Variants in SOX5 observed in about 807,000 individuals in gnomAD.
The protein encoded by SOX5 is SRY-box transcription factor 5.
A neutral mutation model predicts 92.0 loss-of-function variants in SOX5; 9 were observed. The ratio of observed to expected loss-of-function variants is 0.10; its 90% CI spans 0.06 to 0.17. The LOEUF (loss-of-function observed/expected upper bound fraction) is 0.17, where lower values mean the gene tolerates loss of function less well. Ranked by LOEUF, SOX5 falls within the 10% of genes least tolerant of loss-of-function variation. The pLI is 1.00. For missense variants in SOX5, 642 were observed against 944.5 expected (o/e 0.68, Z 4.20); for synonymous variants, 344 against 336.3 (o/e 1.02, Z -0.25).
At chr12:23,763,326 C>A (rs939227960) in intron 3 of SOX5, among the ~76,000 whole-genome samples, 5 of 152,150 alleles carry the variant, frequency 3.3e-5, no homozygotes, top group African/African-American at 1.2e-4. Flanking sequence ...ATTACAACTA[C>A]AACTTACTAT....
chr12:24,462,026 G>A (rs1159980896), intron 1 of SOX5, among the ~76,000 whole-genome samples: 18 of 152,162 alleles, frequency 1.2e-4, no homozygotes, highest in Non-Finnish European at 2.6e-4. Context: ...GATTATCTGA[G>A]GATGCAGTGA....
chr12:23,792,328 T>C (rs1194664075), intron 3 of SOX5, among the ~76,000 whole-genome samples: 4 of 151,632 alleles, frequency 2.6e-5, no homozygotes, highest in African/African-American at 9.7e-5. Flanking sequence ...ACTAAGGCGA[T>C]AAAAATCTCG....
intron 4 of SOX5, among the ~76,000 whole-genome samples, chr12:24,209,730 T>C (rs1036829814): frequency 5.3e-5 from 8 of 152,218 alleles, no homozygotes; most frequent in African/African-American, 1.7e-4. Flanking sequence ...TTAGAAATAA[T>C]CCTTCCGGCC....
At chr12:24,389,515 CACCTAGGTATTA>C (rs1324525627) in intron 1 of SOX5, among the ~76,000 whole-genome samples, 23 of 152,216 alleles carry the variant, frequency 1.5e-4, no homozygotes, top group African/African-American at 2.4e-5. Context: ...ATCAACCCAT[CACCTAGGTATTA>C]ACCCAGCATC....
At chr12:24,174,142 T>C (rs1954532616) in intron 4 of SOX5, among the ~76,000 whole-genome samples, 1 of 152,016 alleles carries the variant, frequency 6.6e-6, no homozygotes, top group African/African-American at 2.4e-5. Flanking sequence ...GGATTACTAG[T>C]GTGCCCCACC....
chr12:24,045,750 G>A (rs1271510214), intron 4 of SOX5, among the ~76,000 whole-genome samples: 1 of 152,212 alleles, frequency 6.6e-6, no homozygotes. Context: ...AGCTACACAG[G>A]TGTGTTTCTT....
At chr12:24,306,245 G>T (rs1201496111) in intron 2 of SOX5, among the ~76,000 whole-genome samples, 1 of 152,158 alleles carries the variant, frequency 6.6e-6, no homozygotes, top group Non-Finnish European at 1.5e-5. Context: ...GTTGGGTGAT[G>T]CCTGCACCGC....
chr12:24,283,818 T>C (rs746520192), intron 2 of SOX5, among the ~76,000 whole-genome samples: 5 of 152,218 alleles, frequency 3.3e-5, no homozygotes, highest in Non-Finnish European at 5.9e-5. Context: ...AAGCCATTAA[T>C]TTATAACAGG....
chr12:24,269,688 C>CTTTTTTTTTT (rs58098308), intron 3 of SOX5, among the ~76,000 whole-genome samples: 1 of 116,760 alleles, frequency 8.6e-6, no homozygotes, highest in Non-Finnish European at 1.7e-5. Context: ...TATTTTTATT[C>CTTTTTTTTTT]TTTTTTTTTT....
At chr12:23,807,749 C>T (rs542293640) in intron 3 of SOX5, among the ~76,000 whole-genome samples, 7 of 150,694 alleles carry the variant, frequency 4.6e-5, no homozygotes, top group Non-Finnish European at 8.8e-5. Context: ...CAAGTGAATT[C>T]TCCTGCCTCA....
At chr12:23,949,402 C>A (rs1044978815) in intron 1 of SOX5, among the ~76,000 whole-genome samples, 162 bp downstream of exon 1, 1 of 151,994 alleles carries the variant, frequency 6.6e-6, no homozygotes, top group South Asian at 2.1e-4. Flanking sequence ...CAGTTTGGTC[C>A]GGGCAATCAC....
rs141999863 is a variant in SOX5 at position 24,044,113 on chromosome 12, GAAT to G, written c.-1-148092_-1-148090del. ...ATTTGCCTTGGGGCATCCACAATTT[GAAT>G]AATACTACACAACATAAAGGTGTCT... On this transcript the variant is annotated intron_variant, in intron 4 of 4. Transcript: ENST00000446891. 5.9e-3 allele frequency among the ~76,000 whole-genome samples: 899 copies of G among 152,258 alleles called. 10 individuals carry two copies. The highest frequency in any genetic ancestry group is 0.031 in the South Asian group (149 of 4,826).
In SOX5 at chr12:24,460,058, T is replaced by G. The variant is rs372197794; in HGVS notation, c.-250-91419A>C. On this transcript the variant is annotated intron_variant, in intron 1 of 4. Transcript: ENST00000446891. ...GTCTGCATCAATGTAGTGAAGGAGT[T>G]TCTCATCTCCAAAGCCTATCTGTAT... is the stretch of plus-strand genomic sequence containing the variant. 2.6e-5 allele frequency among the ~76,000 whole-genome samples: 4 copies of G among 152,290 alleles called. No homozygotes were observed. The East Asian group carries it at 7.7e-4, about 29-fold the overall frequency.
intron 4 of SOX5, among the ~76,000 whole-genome samples, chr12:24,072,941 T>A (rs1941998055): frequency 6.6e-6 from 1 of 152,344 alleles, no homozygotes; most frequent in South Asian, 2.1e-4. Flanking sequence ...GAATGCTGAA[T>A]GTATCTACAT....
intron 3 of SOX5, among the ~76,000 whole-genome samples, chr12:24,262,291 C>T (rs1483944772): frequency 6.6e-6 from 1 of 152,294 alleles, no homozygotes; most frequent in East Asian, 1.9e-4. Context: ...AAACATAGGT[C>T]TTAGAAACCA....
chr12:23,788,219 G>A (rs1376436160), intron 3 of SOX5, among the ~76,000 whole-genome samples: 3 of 151,914 alleles, frequency 2.0e-5, no homozygotes, highest in Non-Finnish European at 2.9e-5. Context: ...GAAATAAAAT[G>A]AGTAGAAGGA....
At chr12:24,229,392 G>A (rs925094564) in intron 3 of SOX5, among the ~76,000 whole-genome samples, 1 of 151,020 alleles carries the variant, frequency 6.6e-6, no homozygotes, top group Non-Finnish European at 1.5e-5. Context: ...TGCTCATAGG[G>A]CTGGGGAAAC....
chr12:23,777,861 A>G (rs948297317), intron 3 of SOX5, among the ~76,000 whole-genome samples: 4 of 152,234 alleles, frequency 2.6e-5, no homozygotes, highest in Non-Finnish European at 4.4e-5. Flanking sequence ...CACATGATAC[A>G]TAAGAGATGA....
At chr12:24,204,077 C>T (rs1957789692) in intron 4 of SOX5, among the ~76,000 whole-genome samples, 1 of 152,062 alleles carries the variant, frequency 6.6e-6, no homozygotes, top group African/African-American at 2.4e-5. Flanking sequence ...TCCCCTGGGC[C>T]CAACTAGTGT....
Sources: allele counts gnomAD v4.1 joint callset (sites outside exome capture counted in the v4.1 genomes callset), GRCh38; gene constraint gnomAD v4.1.1; transcripts MANE v1.5; gene names NCBI Gene and HGNC (gene_info 2026-07-23, HGNC 2026-07-21).